Variants in UNC13C observed in about 807,000 individuals in gnomAD.
The protein encoded by UNC13C is unc-13 homolog C.
In UNC13C, 174 loss-of-function variants were observed where a neutral mutation model predicts 245.4. The ratio of observed to expected loss-of-function variants is 0.71; its 90% CI spans 0.63 to 0.80. UNC13C has a LOEUF of 0.80. UNC13C is among the 30% of genes least tolerant of loss of function. The pLI is 0.00. For synonymous variants in UNC13C, 992 were observed against 895.1 expected, an observed-to-expected ratio of 1.11 and a Z score of -1.93; for missense variants, 2,829 against 2,602.9, an observed-to-expected ratio of 1.09 and a Z score of -1.89.
chr15:53,849,634 C>G, the UNC13C span, among the ~76,000 whole-genome samples: 2 of 151,514 alleles, frequency 1.3e-5, no homozygotes, highest in African/African-American at 4.8e-5. Flanking sequence ...AAAAATATTT[C>G]TTCTTATTGC....
chr15:53,892,704 C>T, the UNC13C span, among the ~76,000 whole-genome samples: 1 of 152,110 alleles, frequency 6.6e-6, no homozygotes, highest in East Asian at 1.9e-4. Flanking sequence ...AGTTCTCGTG[C>T]TGTGTTTTTC....
chr15:54,163,517 C>T (rs16974242), intron 4 of UNC13C, among the ~76,000 whole-genome samples: 40,882 of 152,018 alleles, frequency 0.27, 5,776 homozygotes, highest in African/African-American at 0.35. Context: ...TTAAACTTTA[C>T]CACCAGAGTG....
At chr15:54,170,159 A>G (rs2033340912) in intron 4 of UNC13C, among the ~76,000 whole-genome samples, 1 of 152,100 alleles carries the variant, frequency 6.6e-6, no homozygotes, top group Admixed American at 6.6e-5. Context: ...TTAGAAGAAA[A>G]AAAGAAAAGC....
intron 4 of UNC13C, among the ~76,000 whole-genome samples, chr15:54,170,975 C>G (rs1390935568): frequency 6.6e-6 from 1 of 152,030 alleles, no homozygotes; most frequent in African/African-American, 2.4e-5. Context: ...TCACAAAGTC[C>G]ACGTGTACAA....
At chr15:54,512,903 A>G (rs935175612) in intron 24 of UNC13C, among the ~76,000 whole-genome samples, 1 of 152,188 alleles carries the variant, frequency 6.6e-6, no homozygotes, top group Non-Finnish European at 1.5e-5. Context: ...TTTCTTTTTC[A>G]GTATTTTGAA....
upstream of UNC13C, among the ~76,000 whole-genome samples, chr15:53,978,084 A>G (rs1893770520): frequency 6.6e-6 from 1 of 152,240 alleles, no homozygotes; most frequent in South Asian, 2.1e-4. Context: ...TTCCAAGTAC[A>G]GTCAAGTACA....
At chr15:54,258,371 A>G (rs1441134659) in intron 8 of UNC13C, among the ~76,000 whole-genome samples, 1 of 151,954 alleles carries the variant, frequency 6.6e-6, no homozygotes, top group East Asian at 1.9e-4. Flanking sequence ...TGAAATTATT[A>G]TTATTTTTTT....
At chr15:54,261,069 A>G (rs2036411467) in intron 8 of UNC13C, among the ~76,000 whole-genome samples, 1 of 152,170 alleles carries the variant, frequency 6.6e-6, no homozygotes, top group Non-Finnish European at 1.5e-5. Flanking sequence ...TCAAGTAATT[A>G]TTTTTAAAAG....
the UNC13C span, among the ~76,000 whole-genome samples, chr15:53,910,011 A>G: frequency 2.2e-5 from 3 of 136,932 alleles, no homozygotes; most frequent in Admixed American, 1.5e-4. Context: ...TTTTTTTTTA[A>G]TTTGCCTTGG....
chr15:54,577,114 A>G (rs1035168162), intron 30 of UNC13C, among the ~76,000 whole-genome samples: 10 of 152,196 alleles, frequency 6.6e-5, no homozygotes, highest in Non-Finnish European at 2.9e-5. Context: ...TACAACTGAT[A>G]CTATTCACTA....
At chr15:53,840,479 A>T in the UNC13C span, among the ~76,000 whole-genome samples, 1 of 152,116 alleles carries the variant, frequency 6.6e-6, no homozygotes, top group Non-Finnish European at 1.5e-5. Context: ...GGGGCATGAA[A>T]TAAAAAAACA....
At chr15:53,924,435 A>G in the UNC13C span, among the ~76,000 whole-genome samples, 1 of 152,336 alleles carries the variant, frequency 6.6e-6, no homozygotes, top group Non-Finnish European at 1.5e-5. Flanking sequence ...TAGGAAATAA[A>G]TAGCTAAATG....
chr15:54,174,209 T>A (rs571005869), intron 4 of UNC13C, among the ~76,000 whole-genome samples: 1 of 152,166 alleles, frequency 6.6e-6, no homozygotes, highest in South Asian at 2.1e-4. Context: ...GGTCCTGCTG[T>A]CCTCATTAAA....
chr15:54,488,509 A>T (rs1161225615), intron 19 of UNC13C, among the ~76,000 whole-genome samples: 1 of 152,180 alleles, frequency 6.6e-6, no homozygotes, highest in African/African-American at 2.4e-5. Flanking sequence ...CACTGTGATG[A>T]TAGCAGCAAA....
intron 13 of UNC13C, among the ~76,000 whole-genome samples, chr15:54,315,695 A>G (rs563719848): frequency 7.2e-5 from 11 of 151,856 alleles, no homozygotes; most frequent in African/African-American, 2.2e-4. Flanking sequence ...TGGAAGCTCT[A>G]TGAGCACCTT....
chr15:53,985,549 AC>A (rs1219049473), intron 1 of UNC13C, among the ~76,000 whole-genome samples: 1 of 151,762 alleles, frequency 6.6e-6, no homozygotes, highest in East Asian at 1.9e-4. Context: ...CTGACCAGCA[AC>A]CCTGATTTAT....
intron 17 of UNC13C, among the ~76,000 whole-genome samples, chr15:54,343,623 C>T (rs567733085): frequency 6.6e-6 from 1 of 152,262 alleles, no homozygotes; most frequent in African/African-American, 2.4e-5. Context: ...CTCCCTCCTT[C>T]CCTGCTTTCA....
intron 25 of UNC13C, among the ~76,000 whole-genome samples, chr15:54,531,652 T>C (rs1438183716): frequency 6.6e-6 from 1 of 152,030 alleles, no homozygotes; most frequent in Non-Finnish European, 1.5e-5. Flanking sequence ...CTTTTTTTTT[T>C]TTTAACAACA....
the UNC13C span, among the ~76,000 whole-genome samples, chr15:53,957,658 A>G: frequency 6.6e-6 from 1 of 152,230 alleles, no homozygotes; most frequent in Non-Finnish European, 1.5e-5. Flanking sequence ...AGAAATTCTG[A>G]GGAGATTGAT....
Sources: gnomAD v4.1 joint callset for allele counts (sites outside exome capture counted in the v4.1 genomes callset) on GRCh38, gnomAD v4.1.1 for gene constraint, MANE v1.5 for transcripts, NCBI Gene and HGNC (gene_info 2026-07-23, HGNC 2026-07-21) for gene names.